Variants in SLFN12L observed in about 807,000 individuals in gnomAD.
SLFN12L encodes the protein schlafen family member 12-like.
A neutral mutation model predicts 34.8 loss-of-function variants in SLFN12L; 34 were observed. The observed-to-expected ratio is 0.98, with a 90% confidence interval of 0.74 to 1.30. The LOEUF (loss-of-function observed/expected upper bound fraction) is 1.30, where lower values mean the gene tolerates loss of function less well. Ranked by LOEUF, SLFN12L falls within the 50% of genes most tolerant of loss-of-function variation. The pLI is 0.00. For synonymous variants in SLFN12L, 259 were observed against 247.5 expected (o/e 1.05, Z -0.44); for missense variants, 703 against 696.2 (o/e 1.01, Z -0.11).
rs562793122 is a variant in SLFN12L, at chr17:35,470,056, A to G, written c.*4867T>C. 17 of 152,336 alleles carry G rather than the reference A, an allele frequency of 1.1e-4. No individual in the cohort carries two copies. The highest frequency in any genetic ancestry group is 4.1e-4 in the African/African-American group (17 of 41,582). 9.4% of individuals were successfully genotyped at this position (152,336 alleles called of 1,614,324 possible). ...ACTATAAGTAATAAAGTCTTTTTTC[A>G]ATGGCGCTAGTCCATCTGTGTTGAC... On this transcript the variant is annotated 3_prime_UTR_variant, in exon 5 of 5. Coordinates refer to ENST00000628453, the MANE Select transcript of SLFN12L (RefSeq NM_001363830.2).
intron 2 of SLFN12L, chr17:35,498,204 G>GGGAGCCGGGGCCGCCTGT: frequency 4.1e-6 from 3 of 733,320 alleles, no homozygotes; most frequent in Admixed American, 1.9e-5. Flanking sequence ...GGGCCGCCTG[G>GGGAGCCGGGGCCGCCTGT]GATGTTCAGT....
At chr17:35,492,252 A>G (rs373037997) in intron 2 of SLFN12L, among the ~76,000 whole-genome samples, 113 of 152,260 alleles carry the variant, frequency 7.4e-4, no homozygotes, top group African/African-American at 2.5e-3. Context: ...TTCCATTCCC[A>G]GAAGGAGGAG....
chr17:35,503,277 G>A (rs1002066409), intron 2 of SLFN12L, among the ~76,000 whole-genome samples: 5 of 152,212 alleles, frequency 3.3e-5, no homozygotes, highest in African/African-American at 9.6e-5. Context: ...AGTTAAAGGG[G>A]TATCATCCAG....
Position 35,522,883 on chromosome 17 carries a change from T to A in SLFN12L, c.-519A>T. ...CCCCAGGAGAAAGGTTGGGTTTGCT[T>A]ATTTATTAACTCCTCTAATCCTTCA... On this transcript the variant is annotated 5_prime_UTR_variant, in exon 2 of 5. Coordinates refer to ENST00000628453, the MANE Select transcript of SLFN12L (RefSeq NM_001363830.2). 1.2e-6 allele frequency: 1 copy of A among 813,746 alleles called. No homozygotes were observed. The highest frequency in any genetic ancestry group is 2.0e-6 in the Non-Finnish European group (1 of 494,162). 50.4% of individuals were successfully genotyped at this position (813,746 alleles called of 1,614,324 possible). A position where few individuals can be genotyped will look rare whatever the true frequency, so the allele number is the denominator to read the frequency against.
Position 35,515,170 on chromosome 17 carries a change from GCT to G in SLFN12L, c.86+7107_86+7108del, listed in dbSNP as rs147650994. On this transcript the variant is annotated intron_variant, in intron 2 of 4. Coordinates refer to ENST00000628453, the MANE Select transcript of SLFN12L (RefSeq NM_001363830.2). ...GGCCCCGAATACTCCAGCGGCGATG[GCT>G]CCGTTCCGACCCAGCCTCTTCCCCA... 1.7e-3 allele frequency: 1,028 copies of G among 618,308 alleles called. 21 individuals carry two copies. In the East Asian group the frequency reaches 0.036, roughly 21 times the overall value. 38.3% of individuals were successfully genotyped at this position (618,308 alleles called of 1,614,324 possible).
At chr17:35,528,441 A>G (rs1267884033) in intron 1 of SLFN12L, among the ~76,000 whole-genome samples, 1 of 152,236 alleles carries the variant, frequency 6.6e-6, no homozygotes, top group Non-Finnish European at 1.5e-5. Flanking sequence ...CCTACTTCAA[A>G]CTATATTACA....
chr17:35,518,674 C>T (rs997735369), intron 2 of SLFN12L, among the ~76,000 whole-genome samples: 25 of 151,762 alleles, frequency 1.6e-4, no homozygotes, highest in Admixed American at 1.4e-3. Flanking sequence ...GTTAGAATGA[C>T]GATTATTAAA....
At chr17:35,513,798 G>A (rs188824761) in intron 2 of SLFN12L, among the ~76,000 whole-genome samples, 15 of 152,292 alleles carry the variant, frequency 9.8e-5, no homozygotes, top group East Asian at 1.9e-4. Context: ...GTAGATCATC[G>A]CGGTTACCTT....
Position 35,469,306 on chromosome 17 carries a change from TATATATATATTATATATATAA to T in SLFN12L, c.*5596_*5616del, listed in dbSNP as rs1318005583. Among the ~76,000 whole-genome samples the T allele has an allele frequency of 2.4e-5, 3 of 126,448 alleles. No individual in the cohort carries two copies. The highest frequency in any genetic ancestry group is 1.0e-4 in the African/African-American group (3 of 29,404). The allele number at this position is 126,448 out of a possible 152,430, so 83.0% of individuals were successfully genotyped here. On this transcript the variant is annotated 3_prime_UTR_variant, in exon 5 of 5. Coordinates refer to ENST00000628453, the MANE Select transcript of SLFN12L (RefSeq NM_001363830.2). ...TTATATAAAATATATATATATAAAA[TATATATATATTATATATATAA>T]ATATATATATAATATATATATATAT...
rs1262233256 is a variant in SLFN12L at position 35,492,991 on chromosome 17, A to C, written c.87-12796T>G. On this transcript the variant is annotated intron_variant, in intron 2 of 4. Transcript: ENST00000628453. ...AAAACACACACACACACAAGCAAAA[A>C]ACCACAAGAGCCTCAGCCAGTTTAC... Among the ~76,000 whole-genome samples, 3 of 151,706 alleles carry C rather than the reference A, an allele frequency of 2.0e-5. No homozygotes were observed. In the South Asian group the frequency reaches 6.2e-4, roughly 31 times the overall value.
rs1311415610 is a variant in SLFN12L, at chr17:35,486,104, T to C, written c.87-5909A>G. ...AGATTGTTTTGGGGAGTGTGAACAT[T>C]TTAATGATACTGATTCTTCCAACAC... On this transcript the variant is annotated intron_variant, in intron 2 of 4. Coordinates refer to ENST00000628453, the MANE Select transcript of SLFN12L (RefSeq NM_001363830.2). 4.6e-5 allele frequency among the ~76,000 whole-genome samples: 7 copies of C among 152,372 alleles called. No homozygotes were observed. In the East Asian group the frequency reaches 1.3e-3, roughly 29 times the overall value.
chr17:35,530,492 GAA>G (rs1353483857), intron 1 of SLFN12L, among the ~76,000 whole-genome samples: 6 of 43,518 alleles, frequency 1.4e-4, no homozygotes, highest in African/African-American at 3.8e-4. Flanking sequence ...AAGAAAGAAA[GAA>G]AGAAAGAAAG....
At chr17:35,486,898 C>T (rs910646488) in intron 2 of SLFN12L, among the ~76,000 whole-genome samples, 1 of 152,172 alleles carries the variant, frequency 6.6e-6, no homozygotes, top group Non-Finnish European at 1.5e-5. Flanking sequence ...AGAGCTACCT[C>T]CTGGGGAGCA....
At chr17:35,498,437 T>C (rs1470256792) in intron 2 of SLFN12L, 2 of 1,308,788 alleles carry the variant, frequency 1.5e-6, no homozygotes, top group Admixed American at 3.4e-5. Context: ...AAGTACAGTT[T>C]GGACGACTGC....
Position 35,468,346 on chromosome 17 carries a change from A to C in SLFN12L, c.*6577T>G, listed in dbSNP as rs1488809752. Among the ~76,000 whole-genome samples the C allele has an allele frequency of 6.6e-6, 1 of 152,180 alleles. No homozygotes were observed. Among genetic ancestry groups the C allele is most frequent in the Non-Finnish European group, 1.5e-5 (1 of 68,028 alleles). On this transcript the variant is annotated 3_prime_UTR_variant, in exon 5 of 5. Coordinates refer to ENST00000628453, the MANE Select transcript of SLFN12L (RefSeq NM_001363830.2). ...TCAACCTGAGTCTGTATTTACTTAA[A>C]AGAAATACTCAAGACCCATATCCTA...
intron 2 of SLFN12L, chr17:35,490,899 T>C: frequency 1.2e-6 from 1 of 833,068 alleles, no homozygotes; most frequent in Admixed American, 1.7e-5. Context: ...CACAGTCCAA[T>C]GACAACAAAC....
Position 35,482,218 on chromosome 17 carries a change from T to A in SLFN12L, c.87-2023A>T, listed in dbSNP as rs375517636. ...CTGTGCTCTACCTTGAATGTTTGCA[T>A]CCTCTCAAAATTCATATGTTGAAAT... is the stretch of plus-strand genomic sequence containing the variant. On this transcript the variant is annotated intron_variant, in intron 2 of 4. Coordinates refer to ENST00000628453, the MANE Select transcript of SLFN12L (RefSeq NM_001363830.2). 2.2e-4 allele frequency among the ~76,000 whole-genome samples: 34 copies of A among 152,362 alleles called. No individual in the cohort carries two copies. The South Asian group carries it at 7.0e-3, about 32-fold the overall frequency.
Position 35,479,329 on chromosome 17 carries a change from A to C in SLFN12L, c.953T>G (p.Phe318Cys), listed in dbSNP as rs1438856906. The change falls in exon 3 of 5, where the codon TTC (phenylalanine) becomes TGC (cysteine). Residue 318 changes from phenylalanine to cysteine, a missense_variant. By Grantham distance (205) the Phe-to-Cys change is radical (BLOSUM62 -2). Transcript: ENST00000628453. The part of the protein sequence containing the change: ...NSIGKLPVHH[F>C]CVEKGTINYL... ...ATTTATCGTCCCCTTCTCCACACAGAAGTGATGCACAGGCAGTTTCCCAAT... is the reference window on the plus strand; with the variant it reads ...ATTTATCGTCCCCTTCTCCACACAGCAGTGATGCACAGGCAGTTTCCCAAT... 1 of 1,587,974 alleles carries C rather than the reference A, an allele frequency of 6.3e-7. No individual in the cohort carries two copies. The highest frequency in any genetic ancestry group is 8.6e-7 in the Non-Finnish European group (1 of 1,165,482).
intron 1 of SLFN12L, 97 bp downstream of exon 1, chr17:35,537,476 A>G (rs914207775): frequency 6.6e-6 from 1 of 152,242 alleles, no homozygotes; most frequent in Admixed American, 6.5e-5. Flanking sequence ...GTAGCCACAG[A>G]GGAGATTTTC....
Sources: allele counts gnomAD v4.1 joint callset (sites outside exome capture counted in the v4.1 genomes callset), GRCh38; gene constraint gnomAD v4.1.1; transcripts MANE v1.5; gene names NCBI Gene and HGNC (gene_info 2026-07-23, HGNC 2026-07-21).